Variants in ERLIN1 observed in about 807,000 individuals in gnomAD.
ERLIN1 encodes ER lipid raft associated 1, also known as erlin-1.
ERLIN1 carries 24 observed loss-of-function variants against 46.9 expected under a neutral mutation model. The ratio of observed to expected loss-of-function variants is 0.51; its 90% CI spans 0.37 to 0.72. ERLIN1 has a LOEUF of 0.72. Among genes scored for constraint, ERLIN1 ranks in the 30% least tolerant of loss-of-function variants. ERLIN1 has a pLI of 0.00. For synonymous variants in ERLIN1, 158 were observed against 143.2 expected (o/e 1.10, Z -0.74); for missense variants, 293 against 417.9 (o/e 0.70, Z 2.61).
At chr10:100,167,537 C>T (rs533774020) in intron 6 of ERLIN1, 131 bp from the exon 7 acceptor site, 5 of 665,874 alleles carry the variant, frequency 7.5e-6, no homozygotes, top group African/African-American at 3.6e-5. Context: ...CCTACTAACA[C>T]GTTTGGGGAT....
intron 8 of ERLIN1, 128 bp from the exon 9 acceptor site, chr10:100,156,362 T>C: frequency 1.6e-6 from 1 of 640,224 alleles, no homozygotes; most frequent in Non-Finnish European, 2.8e-6. Context: ...TTTCACTAAG[T>C]TTTATCTAGT....
intron 8 of ERLIN1, among the ~76,000 whole-genome samples, chr10:100,160,667 C>T (rs1361752700): frequency 2.6e-5 from 4 of 152,106 alleles, no homozygotes; most frequent in African/African-American, 4.8e-5. Flanking sequence ...AATTTTCAGA[C>T]TGGGCACAGT....
At chr10:100,174,023 A>G (rs1158957701) in intron 6 of ERLIN1, among the ~76,000 whole-genome samples, 185 bp downstream of exon 6, 1 of 152,206 alleles carries the variant, frequency 6.6e-6, no homozygotes, top group Non-Finnish European at 1.5e-5. Flanking sequence ...GAGTTCACAA[A>G]TGTCACCCAT....
At chr10:100,170,286 A>G (rs1843915173) in intron 6 of ERLIN1, among the ~76,000 whole-genome samples, 1 of 152,218 alleles carries the variant, frequency 6.6e-6, no homozygotes, top group Non-Finnish European at 1.5e-5. Flanking sequence ...AAATTTTATA[A>G]CAAGACAAAA....
At chr10:100,160,328 A>G (rs1843297643) in intron 8 of ERLIN1, among the ~76,000 whole-genome samples, 1 of 152,142 alleles carries the variant, frequency 6.6e-6, no homozygotes. Context: ...CAGACCTACA[A>G]AGATGAAATT....
At chr10:100,155,015 TTG>T in intron 9 of ERLIN1, 76 bp from the exon 10 acceptor site, 1 of 1,180,476 alleles carries the variant, frequency 8.5e-7, no homozygotes, top group Non-Finnish European at 1.2e-6. Context: ...CTGCTTAATA[TTG>T]TGACTGCTTA....
chr10:100,176,088 C>G lies in ERLIN1; in HGVS notation c.305-18G>C, dbSNP rs533625452. 10 of 1,601,200 alleles carry G rather than the reference C, an allele frequency of 6.2e-6. No homozygotes were observed. Among genetic ancestry groups the G allele is most frequent in the Non-Finnish European group, 8.5e-6 (10 of 1,173,070 alleles). On this transcript the variant is annotated intron_variant, in intron 4 of 10. Coordinates refer to ENST00000421367, the MANE Select transcript of ERLIN1 (RefSeq NM_006459.4). ...ATCAAACACTGAAGGAGAGGTACAA[C>G]CCATGTTTGTTTTACCCAACAATGA...
chr10:100,182,093 T>C (rs1760832537), intron 2 of ERLIN1, among the ~76,000 whole-genome samples: 1 of 152,138 alleles, frequency 6.6e-6, no homozygotes, highest in South Asian at 2.1e-4. Context: ...ATATCTCCTT[T>C]ATTTATATTT....
At position 100,152,294 on chromosome 10, in the gene ERLIN1, C is replaced by G. The variant is rs780521035; in HGVS notation, c.884G>C (p.Ser295Thr). 6.2e-7 allele frequency: 1 copy of G among 1,613,552 alleles called. No homozygotes were observed. Among genetic ancestry groups the G allele is most frequent in the South Asian group, 1.1e-5 (1 of 91,078 alleles). Reference sequence around the variant, plus strand: ...GATGTTGCTGCCAAAATAGATCTTACTGTTAGAAGCAATGGCCTGGTACTT... The same window carrying G: ...GATGTTGCTGCCAAAATAGATCTTAGTGTTAGAAGCAATGGCCTGGTACTT... Reference protein sequence around the residue: ...LKKYQAIASNSKIYFGSNIPN... With the variant: ...LKKYQAIASNTKIYFGSNIPN... Residue 295 changes from serine (S) to threonine (T), a missense_variant, in exon 11 of 11, where the codon AGT becomes ACT. By Grantham distance (58) the Ser-to-Thr change is moderately conservative (BLOSUM62 1). Coordinates refer to ENST00000421367, the MANE Select transcript of ERLIN1 (RefSeq NM_006459.4).
At chr10:100,179,896 C>T (rs1447107498) in intron 2 of ERLIN1, among the ~76,000 whole-genome samples, 3 of 152,194 alleles carry the variant, frequency 2.0e-5, no homozygotes, top group Admixed American at 6.5e-5. Context: ...CACATAGATA[C>T]TCTGGCTACA....
rs1167150491 is a variant in ERLIN1 at position 100,152,050 on chromosome 10, T to C, written c.*81A>G. Reference sequence around the variant, plus strand: ...AGATGAAGTGTAAGTTCTCTGTAAATCTGAAGAGTCCGTATAATGATTGTT... The same window carrying C: ...AGATGAAGTGTAAGTTCTCTGTAAACCTGAAGAGTCCGTATAATGATTGTT... On this transcript the variant is annotated 3_prime_UTR_variant, in exon 11 of 11. Coordinates refer to ENST00000421367, the MANE Select transcript of ERLIN1 (RefSeq NM_006459.4). 2.3e-6 allele frequency: 2 copies of C among 874,878 alleles called. No homozygotes were observed. The highest frequency in any genetic ancestry group is 3.9e-5 in the Admixed American group (2 of 51,412). 54.2% of individuals were successfully genotyped at this position (874,878 alleles called of 1,614,324 possible). A position where few individuals can be genotyped will look rare whatever the true frequency, so the allele number is the denominator to read the frequency against.
chr10:100,168,276 T>G (rs1843759738), intron 6 of ERLIN1, among the ~76,000 whole-genome samples: 1 of 152,236 alleles, frequency 6.6e-6, no homozygotes, highest in Non-Finnish European at 1.5e-5. Context: ...AACAAAGCCT[T>G]TAAGCACTTA....
rs1469246553 is a variant in ERLIN1, at chr10:100,176,016, T to C, written c.359A>G (p.Asn120Ser). Reference sequence around the variant, plus strand: ...CTGGTTCAGCTCATGGTGGATTTTATTGAAGATTAAGGTCTTGTCATAATC... The same window carrying C: ...CTGGTTCAGCTCATGGTGGATTTTACTGAAGATTAAGGTCTTGTCATAATC... ...TADYDKTLIF[N>S]KIHHELNQFC... The change falls in exon 5 of 11, where the codon AAT becomes AGT. Residue 120 changes from asparagine to serine, a missense_variant. By Grantham distance (46) the Asn-to-Ser change is conservative (BLOSUM62 1). This residue lies in a region of ERLIN1 where 148 missense variants were observed against 266.5 expected (regional missense o/e 0.56). Transcript: ENST00000421367. 1.2e-6 allele frequency: 2 copies of C among 1,613,080 alleles called. No homozygotes were observed. The highest frequency in any genetic ancestry group is 8.5e-7 in the Non-Finnish European group (1 of 1,179,152).
chr10:100,163,009 T>G (rs1359177122), intron 8 of ERLIN1, among the ~76,000 whole-genome samples: 23 of 152,064 alleles, frequency 1.5e-4, no homozygotes, highest in Non-Finnish European at 2.9e-4. Context: ...TTCATTACAA[T>G]AAAACTAGGC....
chr10:100,177,581 C>T (rs1213710484), intron 4 of ERLIN1, among the ~76,000 whole-genome samples: 3 of 152,152 alleles, frequency 2.0e-5, no homozygotes, highest in African/African-American at 4.8e-5. Context: ...ACTAGACATG[C>T]CAGTTTTATT....
chr10:100,168,883 T>C (rs1048575118), intron 6 of ERLIN1, among the ~76,000 whole-genome samples: 3 of 152,070 alleles, frequency 2.0e-5, no homozygotes, highest in South Asian at 2.1e-4. Context: ...AGGGTTTCAC[T>C]GTGTTGGTCA....
At chr10:100,154,738 T>C in intron 10 of ERLIN1, 122 bp downstream of exon 10, 1 of 730,248 alleles carries the variant, frequency 1.4e-6, no homozygotes. Context: ...TTCTGGAGGA[T>C]GTCTTGGTCA....
intron 9 of ERLIN1, among the ~76,000 whole-genome samples, chr10:100,155,397 A>G (rs2134102152): frequency 6.6e-6 from 1 of 151,972 alleles, no homozygotes; most frequent in South Asian, 2.1e-4. Context: ...ACATCTCACT[A>G]TGTGAAATCA....
intron 6 of ERLIN1, among the ~76,000 whole-genome samples, chr10:100,169,398 C>T (rs1406887533): frequency 6.6e-6 from 1 of 150,832 alleles, no homozygotes; most frequent in Admixed American, 6.6e-5. Flanking sequence ...TATAGTCACT[C>T]CCTTAAATAA....
Sources: allele counts gnomAD v4.1 joint callset (sites outside exome capture counted in the v4.1 genomes callset), GRCh38; gene constraint gnomAD v4.1.1; regional missense constraint gnomAD v4.1.1; transcripts MANE v1.5; gene names NCBI Gene and HGNC (gene_info 2026-07-23, HGNC 2026-07-21).